Variants in IFT172 observed in about 807,000 individuals in gnomAD.
IFT172 encodes the protein intraflagellar transport 172, also known as intraflagellar transport protein 172 homolog.
In IFT172, 164 loss-of-function variants were observed where a neutral mutation model predicts 248.9. That is an observed-to-expected ratio of 0.66 (90% confidence interval 0.58 to 0.75). The LOEUF (loss-of-function observed/expected upper bound fraction) is 0.75. Ranked by LOEUF, IFT172 falls within the 30% of genes least tolerant of loss-of-function variation. IFT172 has a pLI of 0.00. For missense variants in IFT172, 1,950 were observed against 2,192.4 expected (o/e 0.89, Z 2.21); for synonymous variants, 729 against 791.6 (o/e 0.92, Z 1.33).
At chr2:27,468,253 G>C (rs1387701356) in intron 16 of IFT172, among the ~76,000 whole-genome samples, 2 of 151,378 alleles carry the variant, frequency 1.3e-5, no homozygotes, top group Non-Finnish European at 2.9e-5. Context: ...TTGTTTCTGA[G>C]ACAGAGTCTT....
rs2148505508 is a variant in IFT172, at chr2:27,461,049, C to T, written c.2487G>A (p.Leu829=). 6.2e-7 allele frequency: 1 copy of T among 1,614,112 alleles called. No individual in the cohort carries two copies. Among genetic ancestry groups the T allele is most frequent in the Non-Finnish European group, 8.5e-7 (1 of 1,180,024 alleles). The change falls in exon 23 of 48, where the codon CTG becomes CTA. Residue 829 remains leucine, a synonymous_variant. Coordinates refer to ENST00000260570, the MANE Select transcript of IFT172 (RefSeq NM_015662.3). ...ATGCGTTGCCTTTACGGTAGCACTC[C>T]AGGGCCTTCTGTGGATTGTGAATCT... ...FEKIHNPQKA[L]ECYRKGNAFM...
In IFT172 at chr2:27,461,343, C is replaced by T. The variant is rs200080072; in HGVS notation, c.2368G>A (p.Glu790Lys). ...AGCTCTGTGTTGGCTAGCAGTTCCT[C>T]TCGGGTCAGCACCAGCCGAGCAGCT... is the stretch of plus-strand genomic sequence containing the variant. ...AKAARLVLTREELLANTELVE... is the reference protein window; with the variant it reads ...AKAARLVLTRKELLANTELVE... Residue 790 changes from glutamate (E) to lysine (K), a missense_variant, in exon 22 of 48, where the codon GAG becomes AAG. Glu to Lys is a moderately conservative substitution (Grantham distance 56, BLOSUM62 1). Around this residue, in one of 3 missense-constraint regions of IFT172, gnomAD observed 1,166 missense variants for 1,254.1 expected, o/e 0.93. Transcript: ENST00000260570. 13 of 1,614,190 alleles carry T rather than the reference C, an allele frequency of 8.1e-6. No individual in the cohort carries two copies. Among genetic ancestry groups the T allele is most frequent in the Admixed American group, 1.7e-5 (1 of 60,020 alleles).
chr2:27,447,295 T>C (rs541713676), intron 42 of IFT172, among the ~76,000 whole-genome samples: 51 of 152,276 alleles, frequency 3.3e-4, no homozygotes, highest in African/African-American at 1.1e-3. Context: ...TGTTTAAACA[T>C]AATGAGGCTG....
Position 27,477,629 on chromosome 2 carries a change from C to A in IFT172, c.1168-17G>T, listed in dbSNP as rs773917595. On this transcript the variant is annotated splice_polypyrimidine_tract_variant and intron_variant, in intron 11 of 47. Coordinates refer to ENST00000260570, the MANE Select transcript of IFT172 (RefSeq NM_015662.3). ...CCAGGCTATCTGTAACGGGAGAAGA[C>A]TTAAGAAGCAATGTGGATAAATACC... 6.3e-7 allele frequency: 1 copy of A among 1,575,238 alleles called. No individual in the cohort carries two copies. The highest frequency in any genetic ancestry group is 8.7e-7 in the Non-Finnish European group (1 of 1,144,612).
At position 27,458,970 on chromosome 2, in the gene IFT172, G is replaced by A. The variant is rs111327520; in HGVS notation, c.2788-102C>T. 3.1e-5 allele frequency: 35 copies of A among 1,146,312 alleles called. 1 individual carries two copies. Among genetic ancestry groups the A allele is most frequent in the African/African-American group, 1.4e-4 (9 of 65,082 alleles). The allele number at this position is 1,146,312 out of a possible 1,614,324, so 71.0% of individuals were successfully genotyped here. A position where few individuals can be genotyped will look rare whatever the true frequency, so the allele number is the denominator to read the frequency against. On this transcript the variant is annotated intron_variant, in intron 25 of 47. Transcript: ENST00000260570. Reference sequence around the variant, plus strand: ...TTGGCTGGGATGGTGGAGAGCCTGCGATACAACCTTGTAATAATAGAGAAG... The same window carrying A: ...TTGGCTGGGATGGTGGAGAGCCTGCAATACAACCTTGTAATAATAGAGAAG...
intron 15 of IFT172, chr2:27,471,956 T>A: frequency 2.1e-6 from 1 of 466,058 alleles, no homozygotes. Flanking sequence ...GAGAATCACT[T>A]GAACCCGGGA....
At position 27,459,831 on chromosome 2, in the gene IFT172, T is replaced by G; in HGVS notation, c.2522-2A>C. ...AGGCCAATCGAGCCAGCTCTACCGC[T>G]GCCAGGGAGAGAAAAGATGCTCAGC... On this transcript the variant is annotated splice_acceptor_variant, in intron 23 of 47. Coordinates refer to ENST00000260570, the MANE Select transcript of IFT172 (RefSeq NM_015662.3). LOFTEE classifies it high-confidence loss of function. The G allele has an allele frequency of 5.0e-6, 8 of 1,610,462 alleles. No homozygotes were observed. Among genetic ancestry groups the G allele is most frequent in the Non-Finnish European group, 6.8e-6 (8 of 1,179,934 alleles).
At chr2:27,487,958 G>C (rs143864577) in intron 1 of IFT172, among the ~76,000 whole-genome samples, 1 of 150,730 alleles carries the variant, frequency 6.6e-6, no homozygotes, top group East Asian at 2.0e-4. Flanking sequence ...AGGTACCCCA[G>C]TACATATTAC....
chr2:27,483,345 C>T lies in IFT172; in HGVS notation c.514G>A (p.Ala172Thr), dbSNP rs777168931. ...AAATACCTAACGATGGTACCATCTG[C>T]ATGACCAGAGAGAATTCCTTTCCCA... ...CSGKGILSGH[A>T]DGTIVRYFFD... Residue 172 changes from alanine to threonine, a missense_variant, in exon 7 of 48, where the codon GCA (alanine) becomes ACA (threonine). Physicochemically the swap from Ala to Thr is moderately conservative, Grantham distance 58. Around this residue, in one of 3 missense-constraint regions of IFT172, gnomAD observed 1,166 missense variants for 1,254.1 expected, o/e 0.93. Transcript: ENST00000260570. The T allele has an allele frequency of 1.2e-6, 2 of 1,607,464 alleles. No homozygotes were observed. The highest frequency in any genetic ancestry group is 2.2e-5 in the East Asian group (1 of 44,854).
chr2:27,484,043 G>A (rs1668574566), intron 4 of IFT172, 106 bp from the exon 5 acceptor site: 2 of 1,285,188 alleles, frequency 1.6e-6, no homozygotes, highest in Middle Eastern at 1.8e-4. Flanking sequence ...TCTCCTATAG[G>A]GAAGGACACA....
intron 36 of IFT172, 86 bp downstream of exon 36, chr2:27,449,912 C>G: frequency 7.1e-7 from 1 of 1,410,474 alleles, no homozygotes; most frequent in South Asian, 1.2e-5. Context: ...AGGAGGCCCA[C>G]CTCACACACC....
At chr2:27,461,643 ACAT>A (rs1572763708) in intron 21 of IFT172, 113 bp downstream of exon 21, 2 of 1,512,126 alleles carry the variant, frequency 1.3e-6, no homozygotes, top group African/African-American at 2.7e-5. Flanking sequence ...ACTCCTCACC[ACAT>A]CAAGTCCAAG....
chr2:27,465,967 C>G, intron 16 of IFT172, 85 bp from the exon 17 acceptor site: 1 of 1,506,056 alleles, frequency 6.6e-7, no homozygotes, highest in Non-Finnish European at 9.2e-7. Context: ...CCTCATCCGA[C>G]CCAGTCAGTG....
chr2:27,477,422 TTC>T lies in IFT172; in HGVS notation c.1222-104_1222-103del. 3 of 1,250,384 alleles carry T rather than the reference TTC, an allele frequency of 2.4e-6. No homozygotes were observed. In the East Asian group the frequency reaches 6.9e-5, roughly 29 times the overall value. 77.5% of individuals were successfully genotyped at this position (1,250,384 alleles called of 1,614,324 possible). ...AAGGTGACTACCACTTTTCTCCTTGTTCTCTTACCCTGCCAATTTCATCCTCC... is the reference window on the plus strand; with the variant it reads ...AAGGTGACTACCACTTTTCTCCTTGTTCTTACCCTGCCAATTTCATCCTCC... On this transcript the variant is annotated intron_variant, in intron 12 of 47. Transcript: ENST00000260570.
chr2:27,476,524 A>G, intron 14 of IFT172, 117 bp downstream of exon 14: 1 of 663,778 alleles, frequency 1.5e-6, no homozygotes, highest in South Asian at 1.8e-5. Context: ...ATGTGGAGTT[A>G]CTATTTACCT....
chr2:27,471,957 G>A, intron 15 of IFT172: 3 of 466,042 alleles, frequency 6.4e-6, no homozygotes, highest in Non-Finnish European at 1.1e-5. Context: ...AGAATCACTT[G>A]AACCCGGGAG....
chr2:27,456,028 A>G (rs1251537075), intron 30 of IFT172, among the ~76,000 whole-genome samples: 1 of 152,092 alleles, frequency 6.6e-6, no homozygotes, highest in African/African-American at 2.4e-5. Flanking sequence ...CCTGGCCAAC[A>G]TGGTGAAACC....
At chr2:27,464,664 G>C (rs1349400963) in intron 18 of IFT172, among the ~76,000 whole-genome samples, 1 of 151,954 alleles carries the variant, frequency 6.6e-6, no homozygotes, top group Non-Finnish European at 1.5e-5. Flanking sequence ...CATCAGCCAG[G>C]CTGGAGTGCA....
At position 27,459,752 on chromosome 2, in the gene IFT172, G is replaced by T; in HGVS notation, c.2599C>A (p.Gln867Lys). The T allele has an allele frequency of 6.2e-7, 1 of 1,612,978 alleles. No individual in the cohort carries two copies. The change falls in exon 24 of 48, where the codon CAG becomes AAG. Residue 867 changes from glutamine (Q) to lysine (K), a missense_variant. Gln to Lys is a moderately conservative substitution (Grantham distance 53). Transcript: ENST00000260570. ...TTAATGGCTGCATCAAGCTGCTTCT[G>T]CTGCACCAGGTGGTCCCCCCATGCC... ...EEAWGDHLVQ[Q>K]KQLDAAINHY...
Sources: allele counts gnomAD v4.1 joint callset (sites outside exome capture counted in the v4.1 genomes callset), GRCh38; gene constraint gnomAD v4.1.1; regional missense constraint gnomAD v4.1.1; transcripts MANE v1.5; gene names NCBI Gene and HGNC (gene_info 2026-07-23, HGNC 2026-07-21).